The following IFT80 variants were observed in gnomAD, a reference collection of about 807,000 sequenced individuals.
The protein encoded by IFT80 is intraflagellar transport 80.
IFT80 carries 79 observed loss-of-function variants against 107.9 expected under a neutral mutation model. The ratio of observed to expected loss-of-function variants is 0.73; its 90% CI spans 0.61 to 0.88. The LOEUF is 0.88. IFT80 is among the 40% of genes least tolerant of loss of function. The pLI is 0.00. For synonymous variants in IFT80, 299 were observed against 300.9 expected (o/e 0.99, Z 0.07); for missense variants, 797 against 914.2 (o/e 0.87, Z 1.65).
intron 12 of IFT80, among the ~76,000 whole-genome samples, chr3:160,286,850 T>C (rs1303662034): frequency 6.6e-6 from 1 of 152,164 alleles, no homozygotes; most frequent in African/African-American, 2.4e-5. Context: ...GTCTTTGTCC[T>C]GGAGCTTCAA....
At position 160,257,072 on chromosome 3, in the gene IFT80, C is replaced by G. The variant is rs1712428425; in HGVS notation, c.*1453G>C. On this transcript the variant is annotated 3_prime_UTR_variant, in exon 20 of 20. Transcript: ENST00000326448. Reference sequence around the variant, plus strand: ...AACCTTTTAACCATTTATTTTTAAACATTTTAAGCTTCTTATTGAAATATA... The same window carrying G: ...AACCTTTTAACCATTTATTTTTAAAGATTTTAAGCTTCTTATTGAAATATA... 1 of 152,062 alleles carries G rather than the reference C, an allele frequency of 6.6e-6. No homozygotes were observed. Among genetic ancestry groups the G allele is most frequent in the African/African-American group, 2.4e-5 (1 of 41,404 alleles). The allele number at this position is 152,062 out of a possible 1,614,324, so 9.4% of individuals were successfully genotyped here.
At chr3:160,375,976 T>A in intron 4 of IFT80, 96 bp from the exon 5 acceptor site, 1 of 769,300 alleles carries the variant, frequency 1.3e-6, no homozygotes, top group Non-Finnish European at 2.2e-6. Flanking sequence ...ATCTACCGCA[T>A]ATTCTTTTTT....
intron 7 of IFT80, 60 bp from the exon 8 acceptor site, chr3:160,356,210 A>C: frequency 7.5e-7 from 1 of 1,336,306 alleles, no homozygotes; most frequent in Non-Finnish European, 1.0e-6. Flanking sequence ...CAAAAACTAA[A>C]AGAAAAATAA....
At position 160,279,496 on chromosome 3, in the gene IFT80, G is replaced by A. The variant is rs1576743447; in HGVS notation, c.1665-132C>T. ...ATCTCCAAAAGGCACACCCCCAAAG[G>A]TTAACTCCAGGGAGAATGTATATGT... On this transcript the variant is annotated intron_variant, in intron 15 of 19. Transcript: ENST00000326448. 5.0e-5 allele frequency: 36 copies of A among 714,916 alleles called. No individual in the cohort carries two copies. In the East Asian group the frequency reaches 9.7e-4, roughly 19 times the overall value. 44.3% of individuals were successfully genotyped at this position (714,916 alleles called of 1,614,324 possible). A position where few individuals can be genotyped will look rare whatever the true frequency, so the allele number is the denominator to read the frequency against.
chr3:160,312,997 T>C (rs1213234454), intron 9 of IFT80, among the ~76,000 whole-genome samples: 2 of 80,248 alleles, frequency 2.5e-5, no homozygotes, highest in Admixed American at 2.2e-4. Flanking sequence ...ATATATATTA[T>C]ATATAAATTA....
chr3:160,387,804 T>A (rs1198494473), intron 1 of IFT80, among the ~76,000 whole-genome samples: 14 of 152,186 alleles, frequency 9.2e-5, no homozygotes, highest in Admixed American at 9.2e-4. Flanking sequence ...AGCCATGGAA[T>A]AAGATGAAAT....
chr3:160,359,939 C>T (rs1456401838), intron 6 of IFT80, among the ~76,000 whole-genome samples: 15 of 152,194 alleles, frequency 9.9e-5, no homozygotes, highest in Admixed American at 9.2e-4. Flanking sequence ...AACCAGAACA[C>T]CCCTTCTCCT....
At chr3:160,302,167 C>T (rs1164074478) in intron 11 of IFT80, among the ~76,000 whole-genome samples, 1 of 151,876 alleles carries the variant, frequency 6.6e-6, no homozygotes, top group Non-Finnish European at 1.5e-5. Flanking sequence ...TTTAAATATC[C>T]TTGATTCAGA....
intron 3 of IFT80, among the ~76,000 whole-genome samples, chr3:160,380,753 C>A (rs1256250073): frequency 6.6e-6 from 1 of 151,862 alleles, no homozygotes; most frequent in Non-Finnish European, 1.5e-5. Context: ...AAGCTGCGGT[C>A]AAATTATAAA....
At chr3:160,335,165 A>T (rs1362258572) in intron 8 of IFT80, among the ~76,000 whole-genome samples, 1 of 151,734 alleles carries the variant, frequency 6.6e-6, no homozygotes, top group East Asian at 1.9e-4. Context: ...TTTTTGAGAT[A>T]AGAGTTTCAC....
At position 160,331,707 on chromosome 3, in the gene IFT80, C is replaced by A. The variant is rs1719101293; in HGVS notation, c.778-11768G>T. ...ACAATGTCTTGGTCTGTCATCCATG[C>A]TGGAGTACAGTGATGCAATAATAGC... On this transcript the variant is annotated intron_variant, in intron 8 of 19. Coordinates refer to ENST00000326448, the MANE Select transcript of IFT80 (RefSeq NM_020800.3). Among the ~76,000 whole-genome samples the A allele has an allele frequency of 2.0e-5, 3 of 151,974 alleles. No homozygotes were observed. In the South Asian group the frequency reaches 6.2e-4, roughly 32 times the overall value.
intron 8 of IFT80, among the ~76,000 whole-genome samples, chr3:160,339,086 A>G (rs1226795489): frequency 1.3e-5 from 2 of 152,196 alleles, no homozygotes; most frequent in African/African-American, 4.8e-5. Flanking sequence ...TTTCTGGAAT[A>G]TTGATAATGT....
At chr3:160,362,173 A>T (rs1287356198) in intron 6 of IFT80, among the ~76,000 whole-genome samples, 1 of 152,234 alleles carries the variant, frequency 6.6e-6, no homozygotes, top group Non-Finnish European at 1.5e-5. Context: ...AAATAGATAC[A>T]ATAAAAAATG....
chr3:160,296,569 T>TA lies in IFT80; in HGVS notation c.1315+4313dup, dbSNP rs750618761. Among the ~76,000 whole-genome samples, 696 of 136,766 alleles carry TA rather than the reference T, an allele frequency of 5.1e-3. 2 individuals carry two copies. Among genetic ancestry groups the TA allele is most frequent in the African/African-American group, 0.01 (388 of 37,390 alleles). The allele number at this position is 136,766 out of a possible 152,430, so 89.7% of individuals were successfully genotyped here. Reference sequence around the variant, plus strand: ...TAAACAACTCTGCTATCATCCTCACTAAAAAAAAAAAAAAAATCACTATTA... The same window carrying TA: ...TAAACAACTCTGCTATCATCCTCACTAAAAAAAAAAAAAAAAATCACTATTA... On this transcript the variant is annotated intron_variant, in intron 12 of 19. Coordinates refer to ENST00000326448, the MANE Select transcript of IFT80 (RefSeq NM_020800.3).
At chr3:160,385,166 AG>A (rs1712827664) in intron 1 of IFT80, among the ~76,000 whole-genome samples, 1 of 152,252 alleles carries the variant, frequency 6.6e-6, no homozygotes, top group Non-Finnish European at 1.5e-5. Flanking sequence ...TGTGAAAAAT[AG>A]GTGACTTATT....
chr3:160,342,798 ACTGACTT>A (rs1720011142), intron 8 of IFT80: 1 of 152,524 alleles, frequency 6.6e-6, no homozygotes, highest in African/African-American at 2.4e-5. Flanking sequence ...TTGAGATGAA[ACTGACTT>A]CTATTTGGGC....
chr3:160,331,934 G>A (rs1245452707), intron 8 of IFT80, among the ~76,000 whole-genome samples: 1 of 152,118 alleles, frequency 6.6e-6, no homozygotes, highest in Non-Finnish European at 1.5e-5. Context: ...TGGGATTACA[G>A]GCATAAGCCA....
intron 10 of IFT80, among the ~76,000 whole-genome samples, chr3:160,307,119 A>G (rs1716885918): frequency 1.3e-5 from 2 of 152,182 alleles, no homozygotes. Flanking sequence ...TTAAATTTTC[A>G]AGAATTTTGT....
chr3:160,367,283 G>T (rs935061476), intron 5 of IFT80, among the ~76,000 whole-genome samples: 9 of 151,598 alleles, frequency 5.9e-5, no homozygotes, highest in Non-Finnish European at 8.8e-5. Context: ...CTTTCTTTTG[G>T]GTATATACCC....
Sources: allele counts gnomAD v4.1 joint callset (sites outside exome capture counted in the v4.1 genomes callset), GRCh38; gene constraint gnomAD v4.1.1; transcripts MANE v1.5; gene names NCBI Gene and HGNC (gene_info 2026-07-23, HGNC 2026-07-21).